OPCML: variants seen among roughly 807,000 people sequenced by gnomAD.
The protein encoded by OPCML is opioid binding protein/cell adhesion molecule like.
In OPCML, 13 loss-of-function variants were observed where a neutral mutation model predicts 37.8. The ratio of observed to expected loss-of-function variants is 0.34; its 90% confidence interval spans 0.22 to 0.55. The LOEUF (loss-of-function observed/expected upper bound fraction) is 0.55. Ranked by LOEUF, OPCML falls within the 20% of genes least tolerant of loss-of-function variation. The pLI is 0.91. For missense variants in OPCML, 341 were observed against 435.6 expected, an observed-to-expected ratio of 0.78 and a Z score of 1.93; for synonymous variants, 176 against 168.8, an observed-to-expected ratio of 1.04 and a Z score of -0.33.
intron 3 of OPCML, among the ~76,000 whole-genome samples, chr11:132,597,178 A>G (rs1330178804): frequency 1.3e-5 from 2 of 152,238 alleles, no homozygotes; most frequent in Non-Finnish European, 2.9e-5. Flanking sequence ...TTATCTTTCT[A>G]TTCTTCTAGG....
chr11:133,409,164 C>A (rs534131345), intron 1 of OPCML, among the ~76,000 whole-genome samples: 2 of 152,298 alleles, frequency 1.3e-5, no homozygotes, highest in East Asian at 3.9e-4. Context: ...ACCAACGCGT[C>A]ATGATACCCA....
chr11:132,798,322 C>A (rs911214366), intron 2 of OPCML, among the ~76,000 whole-genome samples: 1 of 152,176 alleles, frequency 6.6e-6, no homozygotes, highest in Admixed American at 6.5e-5. Flanking sequence ...CCACCCGCCT[C>A]AGCCTCCCAA....
chr11:133,225,333 C>A (rs934462755), intron 1 of OPCML, among the ~76,000 whole-genome samples: 1 of 152,190 alleles, frequency 6.6e-6, no homozygotes, highest in Non-Finnish European at 1.5e-5. Context: ...TAATTCAGCT[C>A]TATAGGCTCA....
chr11:133,397,449 G>A (rs1945312684), intron 1 of OPCML, among the ~76,000 whole-genome samples: 1 of 152,200 alleles, frequency 6.6e-6, no homozygotes, highest in Non-Finnish European at 1.5e-5. Flanking sequence ...TGTTGTATTT[G>A]TAGCTTATGT....
intron 2 of OPCML, among the ~76,000 whole-genome samples, chr11:132,678,728 G>A (rs775732462): frequency 9.9e-5 from 15 of 152,184 alleles, no homozygotes; most frequent in Non-Finnish European, 1.5e-4. Context: ...GGGGTTGGGC[G>A]AGGGAGAGGT....
chr11:132,807,022 C>T (rs552239173), intron 2 of OPCML, among the ~76,000 whole-genome samples: 24 of 152,172 alleles, frequency 1.6e-4, no homozygotes, highest in Non-Finnish European at 2.4e-4. Context: ...ATGCCCCTAA[C>T]GGAATGCTCG....
chr11:132,506,444 A>T (rs1196029178), intron 4 of OPCML, among the ~76,000 whole-genome samples: 1 of 152,222 alleles, frequency 6.6e-6, no homozygotes, highest in Non-Finnish European at 1.5e-5. Flanking sequence ...CCTACAAAGG[A>T]ATCATAATAC....
At chr11:133,358,198 C>G (rs1197177100) in intron 1 of OPCML, among the ~76,000 whole-genome samples, 4 of 152,330 alleles carry the variant, frequency 2.6e-5, no homozygotes, top group Middle Eastern at 3.4e-3. Context: ...TATCTCTGTA[C>G]TCCACAACAT....
chr11:133,063,647 C>T (rs757365650), intron 1 of OPCML, among the ~76,000 whole-genome samples: 3 of 152,048 alleles, frequency 2.0e-5, no homozygotes, highest in Non-Finnish European at 2.9e-5. Flanking sequence ...CTACAACCTC[C>T]GCCTCCCAGA....
chr11:132,529,629 G>A (rs2096318475), intron 3 of OPCML, among the ~76,000 whole-genome samples: 2 of 152,214 alleles, frequency 1.3e-5, no homozygotes, highest in South Asian at 2.1e-4. Context: ...ATAACGCTGA[G>A]TTAGTTACTA....
intron 2 of OPCML, among the ~76,000 whole-genome samples, chr11:132,734,333 C>T (rs11601374): frequency 0.065 from 9,933 of 152,180 alleles, 685 homozygotes; most frequent in African/African-American, 0.18. Context: ...GTATCTGACT[C>T]CCACAGTAGC....
At chr11:133,288,866 C>T (rs1942378098) in intron 1 of OPCML, among the ~76,000 whole-genome samples, 1 of 152,150 alleles carries the variant, frequency 6.6e-6, no homozygotes, top group Non-Finnish European at 1.5e-5. Flanking sequence ...TAATTAAGAG[C>T]ATGCATTTGC....
intron 3 of OPCML, among the ~76,000 whole-genome samples, chr11:132,622,145 T>TAA (rs200377254): frequency 8.5e-5 from 12 of 141,404 alleles, no homozygotes; most frequent in East Asian, 8.1e-4. Flanking sequence ...ATGAGAATAA[T>TAA]AAAAAAAAAA....
chr11:133,074,943 A>G (rs1214798009), intron 1 of OPCML, among the ~76,000 whole-genome samples: 1 of 152,076 alleles, frequency 6.6e-6, no homozygotes. Flanking sequence ...CTGTCTGTCC[A>G]CCATCATACT....
intron 1 of OPCML, among the ~76,000 whole-genome samples, chr11:133,429,468 C>T (rs1176556264): frequency 6.6e-6 from 1 of 152,166 alleles, no homozygotes; most frequent in Non-Finnish European, 1.5e-5. Context: ...ATGGCAGGAT[C>T]TGATTTCCAT....
intron 1 of OPCML, among the ~76,000 whole-genome samples, chr11:133,295,106 G>A (rs753484558): frequency 1.3e-5 from 2 of 152,022 alleles, no homozygotes; most frequent in Non-Finnish European, 2.9e-5. Context: ...TTACAGGCAT[G>A]AGCCACCACA....
intron 2 of OPCML, among the ~76,000 whole-genome samples, chr11:132,746,583 C>T (rs529855405): frequency 5.3e-5 from 8 of 152,248 alleles, no homozygotes; most frequent in South Asian, 2.1e-4. Flanking sequence ...GCCTCACCCA[C>T]GAGACAGTCA....
chr11:133,147,199 T>G (rs948855697), intron 1 of OPCML, among the ~76,000 whole-genome samples: 3 of 152,112 alleles, frequency 2.0e-5, no homozygotes, highest in African/African-American at 7.2e-5. Flanking sequence ...GCAGTGCCAC[T>G]TTCTACACGC....
At chr11:133,418,020 G>A in intron 1 of OPCML, 4 of 965,044 alleles carry the variant, frequency 4.1e-6, no homozygotes, top group East Asian at 1.1e-4. Context: ...CTCTGATGGA[G>A]AAGAATGGGG....
Sources: allele counts gnomAD v4.1 joint callset (sites outside exome capture counted in the v4.1 genomes callset), GRCh38; gene constraint gnomAD v4.1.1; transcripts MANE v1.5; gene names NCBI Gene and HGNC (gene_info 2026-07-23, HGNC 2026-07-21).